SHROOM3: variants seen among roughly 807,000 people sequenced by gnomAD.
SHROOM3 encodes the protein protein Shroom3.
In SHROOM3, 47 loss-of-function variants were observed where a neutral mutation model predicts 138.6. The observed-to-expected ratio is 0.34, with a 90% CI of 0.27 to 0.43. SHROOM3 has a LOEUF of 0.43. SHROOM3 is among the 20% of genes least tolerant of loss of function. SHROOM3 has a pLI of 1.00. For synonymous variants in SHROOM3, 1,062 were observed against 1,063.3 expected (o/e 1.00, Z 0.02); for missense variants, 2,491 against 2,596.5 (o/e 0.96, Z 0.88).
At chr4:76,628,289 A>G (rs1291529951) in intron 2 of SHROOM3, among the ~76,000 whole-genome samples, 1 of 152,224 alleles carries the variant, frequency 6.6e-6, no homozygotes, top group African/African-American at 2.4e-5. Flanking sequence ...ATAGATCACT[A>G]GATTTTTCCC....
rs777409965 is a variant in SHROOM3 at position 76,741,349 on chromosome 4, G to A, written c.3176G>A (p.Arg1059His). 2.0e-5 allele frequency: 32 copies of A among 1,609,380 alleles called. No individual in the cohort carries two copies. The highest frequency in any genetic ancestry group is 1.8e-4 in the South Asian group (16 of 90,466). ...FPESSVADRR[R>H]LFERDGKACS... ...GAGAGCAGCGTGGCCGACCGGCGCC[G>A]TCTCTTCGAGCGCGATGGCAAGGCC... Residue 1059 changes from arginine (R) to histidine (H), a missense_variant, in exon 5 of 11, where the codon CGT (arginine) becomes CAT (histidine). Around this residue, in one of 4 missense-constraint regions of SHROOM3, gnomAD observed 1,733 missense variants for 1,661.6 expected, o/e 1.04. Transcript: ENST00000296043. The surrounding 1 kb of genome is among the most constrained non-coding windows in gnomAD (Gnocchi z 6.2).
intron 2 of SHROOM3, among the ~76,000 whole-genome samples, chr4:76,659,685 G>A (rs1316112659): frequency 6.6e-6 from 1 of 152,070 alleles, no homozygotes; most frequent in Non-Finnish European, 1.5e-5. Flanking sequence ...AGGTTCAAGC[G>A]ATTCTCCTGC....
At chr4:76,603,838 C>CTTTTTTTTTTTT (rs993165829) in intron 2 of SHROOM3, among the ~76,000 whole-genome samples, 2 of 97,282 alleles carry the variant, frequency 2.1e-5, no homozygotes, top group Non-Finnish European at 2.0e-5. Flanking sequence ...ATCTTGTATT[C>CTTTTTTTTTTTT]TTTTTTTTTT....
chr4:76,666,452 TG>T lies in SHROOM3; in HGVS notation c.324-43703del, dbSNP rs200230201. Among the ~76,000 whole-genome samples the T allele has an allele frequency of 2.3e-3, 355 of 152,294 alleles. 5 individuals carry two copies. The highest frequency in any genetic ancestry group is 8.0e-3 in the African/African-American group (331 of 41,554). On this transcript the variant is annotated intron_variant, in intron 2 of 10. Transcript: ENST00000296043. ...CCCAACCAATTTTTAAATTATTTTT[TG>T]TAGAAACAAAGTCTCACTCTGTTGC...
intron 1 of SHROOM3, among the ~76,000 whole-genome samples, chr4:76,491,533 A>G (rs1731849174): frequency 1.3e-5 from 2 of 152,232 alleles, no homozygotes; most frequent in Admixed American, 6.5e-5. Flanking sequence ...CTCTCTGATA[A>G]TAAAAAGTCT....
chr4:76,541,776 A>G (rs1012177600), intron 1 of SHROOM3, among the ~76,000 whole-genome samples: 8 of 152,142 alleles, frequency 5.3e-5, no homozygotes, highest in Non-Finnish European at 7.4e-5. Context: ...CTAAGATCTG[A>G]GAGCCCAGTG....
At chr4:76,680,948 T>C (rs577225337) in intron 2 of SHROOM3, among the ~76,000 whole-genome samples, 3 of 152,360 alleles carry the variant, frequency 2.0e-5, no homozygotes, top group Admixed American at 1.3e-4. Context: ...ATCCTCCCCA[T>C]GCTGTCAGCA....
chr4:76,733,086 T>C (rs780310788), intron 4 of SHROOM3, among the ~76,000 whole-genome samples: 1 of 152,144 alleles, frequency 6.6e-6, no homozygotes, highest in Non-Finnish European at 1.5e-5. Flanking sequence ...TGAGCATCCT[T>C]ACTCCTAACC....
At chr4:76,694,775 C>G (rs1719671827) in intron 2 of SHROOM3, among the ~76,000 whole-genome samples, 1 of 152,172 alleles carries the variant, frequency 6.6e-6, no homozygotes, top group African/African-American at 2.4e-5. Context: ...GTGTTAATTC[C>G]TAACATTTAT....
intron 2 of SHROOM3, among the ~76,000 whole-genome samples, chr4:76,577,563 C>A (rs1326483314): frequency 1.3e-5 from 2 of 152,136 alleles, no homozygotes; most frequent in Non-Finnish European, 2.9e-5. Flanking sequence ...AAATAATATT[C>A]TTTAATATAA....
chr4:76,598,599 G>A (rs1577909572), intron 2 of SHROOM3, among the ~76,000 whole-genome samples: 1 of 152,184 alleles, frequency 6.6e-6, no homozygotes, highest in East Asian at 1.9e-4. Flanking sequence ...GGTAGAGGTG[G>A]CCAGGAAGTG....
At chr4:76,513,965 G>A (rs1560530106) in intron 1 of SHROOM3, among the ~76,000 whole-genome samples, 1 of 152,124 alleles carries the variant, frequency 6.6e-6, no homozygotes. Context: ...GAGGACCAAA[G>A]ACCTACATTA....
chr4:76,570,086 G>A (rs768617120), intron 2 of SHROOM3, among the ~76,000 whole-genome samples: 13 of 152,070 alleles, frequency 8.5e-5, no homozygotes, highest in Non-Finnish European at 1.5e-4. Context: ...AAAGTTTGGG[G>A]ATGGTTTTTA....
Position 76,740,327 on chromosome 4 carries a change from G to T in SHROOM3, c.2154G>T (p.Arg718=). 6.2e-7 allele frequency: 1 copy of T among 1,613,098 alleles called. No individual in the cohort carries two copies. Among genetic ancestry groups the T allele is most frequent in the Non-Finnish European group, 8.5e-7 (1 of 1,180,026 alleles). ...AAPDLGSHLD[R]QVSYPRPEGR... ...CTGACCTCGGGAGCCATCTGGACCG[G>T]CAGGTTTCCTACCCGCGGCCCGAGG... The change falls in exon 5 of 11, where the codon CGG becomes CGT. Residue 718 remains arginine (R), a synonymous_variant. Transcript: ENST00000296043. This position sits in a 1 kb window ranked among gnomAD's most constrained non-coding sequence, Gnocchi z 4.0.
intron 1 of SHROOM3, among the ~76,000 whole-genome samples, chr4:76,505,143 A>G (rs957986483): frequency 1.3e-5 from 2 of 152,184 alleles, no homozygotes; most frequent in Admixed American, 1.3e-4. Context: ...ATGTCCCATT[A>G]ACCTAAGATA....
intron 9 of SHROOM3, among the ~76,000 whole-genome samples, chr4:76,760,768 C>T (rs1560619172): frequency 6.6e-6 from 1 of 152,290 alleles, no homozygotes; most frequent in South Asian, 2.1e-4. Flanking sequence ...GATATATATA[C>T]CTACCCCAGC....
intron 1 of SHROOM3, among the ~76,000 whole-genome samples, chr4:76,491,437 G>T (rs560245561): frequency 1.3e-5 from 2 of 152,320 alleles, no homozygotes; most frequent in South Asian, 4.1e-4. Flanking sequence ...AGCTTAAAAC[G>T]CTGGATGCTT....
intron 1 of SHROOM3, among the ~76,000 whole-genome samples, chr4:76,501,890 T>C (rs1253160800): frequency 6.6e-6 from 1 of 152,204 alleles, no homozygotes; most frequent in Non-Finnish European, 1.5e-5. Flanking sequence ...GTATCCTTTA[T>C]TATATCCAGT....
chr4:76,441,675 A>G (rs912490692), intron 1 of SHROOM3, among the ~76,000 whole-genome samples: 3 of 151,602 alleles, frequency 2.0e-5, no homozygotes, highest in African/African-American at 7.3e-5. Context: ...CTTTGCATTC[A>G]TTCTTCTTTC....
Sources: allele counts gnomAD v4.1 joint callset (sites outside exome capture counted in the v4.1 genomes callset), GRCh38; gene constraint gnomAD v4.1.1; regional missense constraint gnomAD v4.1.1; non-coding constraint Gnocchi (gnomAD v3.1); transcripts MANE v1.5; gene names NCBI Gene and HGNC (gene_info 2026-07-23, HGNC 2026-07-21).